Variants in ABCC9 observed in about 807,000 individuals in gnomAD.
ABCC9 encodes the protein ATP binding cassette subfamily C member 9.
Under a neutral mutation model 188.3 loss-of-function variants are expected in ABCC9, and 95 were observed. That is an observed-to-expected ratio of 0.50 (90% CI 0.43 to 0.60). ABCC9 has a LOEUF of 0.60. Ranked by LOEUF, ABCC9 falls within the 20% of genes least tolerant of loss-of-function variation. The probability of loss-of-function intolerance (pLI) is 0.00; values close to 1 mark genes in which losing one functional copy is unlikely to be tolerated. For synonymous variants in ABCC9, 659 were observed against 652.7 expected (o/e 1.01, Z -0.15); for missense variants, 1,102 against 1,876.3 (o/e 0.59, Z 7.62).
Position 21,908,188 on chromosome 12 carries a change from G to A in ABCC9, c.1344C>T (p.Leu448=). The A allele has an allele frequency of 6.2e-7, 1 of 1,612,564 alleles. No individual in the cohort carries two copies. The highest frequency in any genetic ancestry group is 2.2e-5 in the East Asian group (1 of 44,820). Residue 448 remains leucine, a synonymous_variant, in exon 11 of 40, where the codon CTC becomes CTT. Transcript: ENST00000261200. ...ATGCACTTGATCCAAGTAAATTATAGAGCAGAATCACGCCCATTATGATCT... is the reference window on the plus strand; with the variant it reads ...ATGCACTTGATCCAAGTAAATTATAAAGCAGAATCACGCCCATTATGATCT... ...PVQIIMGVIL[L]YNLLGSSALV...
rs114904002 is a variant in ABCC9 at position 21,834,670 on chromosome 12, C to T, written c.3566+3408G>A. On this transcript the variant is annotated intron_variant, in intron 30 of 39. Transcript: ENST00000261200. ...CCATTTGGTACTTGTGGTCAGGAAT[C>T]GAATGTGTCTTTTTCCATCCATCTG... 4.3e-3 allele frequency among the ~76,000 whole-genome samples: 658 copies of T among 151,806 alleles called. 5 individuals carry two copies. The highest frequency in any genetic ancestry group is 0.015 in the African/African-American group (634 of 41,368).
intron 16 of ABCC9, among the ~76,000 whole-genome samples, chr12:21,876,383 GAAAT>G (rs1946349665): frequency 6.6e-6 from 1 of 152,024 alleles, no homozygotes; most frequent in Non-Finnish European, 1.5e-5. Context: ...ATAAAGCAGA[GAAAT>G]AACCACAAAT....
Position 21,915,878 on chromosome 12 carries a change from T to C in ABCC9, c.606A>G (p.Val202=). ...GATCCTGGAGGTCTTCAGGAGGCTT[T>C]ACTTTCTGAGGATTCATGAAAAATA... ...RYVFFMNPQK[V]KPPEDLQDLG... Residue 202 remains valine, a synonymous_variant, in exon 7 of 40, where the codon GTA becomes GTG. Coordinates refer to ENST00000261200, the MANE Select transcript of ABCC9 (RefSeq NM_020297.4). 1 of 1,613,126 alleles carries C rather than the reference T, an allele frequency of 6.2e-7. No individual in the cohort carries two copies. Among genetic ancestry groups the C allele is most frequent in the Non-Finnish European group, 8.5e-7 (1 of 1,179,376 alleles).
intron 24 of ABCC9, among the ~76,000 whole-genome samples, chr12:21,850,382 T>C (rs1179265924): frequency 6.6e-6 from 1 of 152,022 alleles, no homozygotes; most frequent in Non-Finnish European, 1.5e-5. Context: ...TGCCTGCCTT[T>C]TGTTACATGG....
At chr12:21,840,374 G>A (rs1944319459) in intron 29 of ABCC9, among the ~76,000 whole-genome samples, 2 of 152,236 alleles carry the variant, frequency 1.3e-5, no homozygotes, top group South Asian at 2.1e-4. Context: ...AATAAGAATA[G>A]CGTACAATCC....
At chr12:21,827,873 G>C (rs1943480069) in intron 31 of ABCC9, among the ~76,000 whole-genome samples, 1 of 152,192 alleles carries the variant, frequency 6.6e-6, no homozygotes, top group Non-Finnish European at 1.5e-5. Flanking sequence ...AAACCAGTGA[G>C]AAATCATGAT....
At chr12:21,849,423 C>T (rs374227772) in intron 24 of ABCC9, among the ~76,000 whole-genome samples, 16 of 152,080 alleles carry the variant, frequency 1.1e-4, no homozygotes, top group East Asian at 7.7e-4. Context: ...TTTTGCATAA[C>T]GATATGAAGA....
At chr12:21,847,480 G>T (rs553255807) in intron 25 of ABCC9, among the ~76,000 whole-genome samples, 1 of 152,128 alleles carries the variant, frequency 6.6e-6, no homozygotes, top group African/African-American at 2.4e-5. Flanking sequence ...TTGGTTGGTA[G>T]AAATGCAGGC....
intron 30 of ABCC9, among the ~76,000 whole-genome samples, chr12:21,835,147 G>T (rs1429536782): frequency 6.6e-6 from 1 of 152,112 alleles, no homozygotes; most frequent in Non-Finnish European, 1.5e-5. Flanking sequence ...CAAACAGTCT[G>T]TCCAAATTAG....
chr12:21,890,113 T>G (rs918592805), intron 14 of ABCC9, among the ~76,000 whole-genome samples: 1 of 152,136 alleles, frequency 6.6e-6, no homozygotes, highest in Non-Finnish European at 1.5e-5. Context: ...GAAAAGCATT[T>G]TCTATTCATA....
chr12:21,873,049 T>C (rs975522217), intron 17 of ABCC9, among the ~76,000 whole-genome samples: 1 of 151,966 alleles, frequency 6.6e-6, no homozygotes, highest in African/African-American at 2.4e-5. Context: ...AGGGCAGTTT[T>C]GATGAAAATA....
At position 21,797,464 on chromosome 12, in the gene ABCC9, C is replaced by T. The variant is rs1357051270; in HGVS notation, c.*3580G>A. Reference sequence around the variant, plus strand: ...TTTTATATATTGTAGAGAATAAACACATTTATTGTAGAGAACAAATACATT... The same window carrying T: ...TTTTATATATTGTAGAGAATAAACATATTTATTGTAGAGAACAAATACATT... On this transcript the variant is annotated 3_prime_UTR_variant, in exon 40 of 40. Coordinates refer to ENST00000261200, the MANE Select transcript of ABCC9 (RefSeq NM_020297.4). 1 of 152,120 alleles carries T rather than the reference C, an allele frequency of 6.6e-6. No homozygotes were observed. Among genetic ancestry groups the T allele is most frequent in the Non-Finnish European group, 1.5e-5 (1 of 68,012 alleles). 9.4% of individuals were successfully genotyped at this position (152,120 alleles called of 1,614,324 possible).
At chr12:21,873,232 A>C (rs1946171448) in intron 17 of ABCC9, among the ~76,000 whole-genome samples, 1 of 152,018 alleles carries the variant, frequency 6.6e-6, no homozygotes, top group Non-Finnish European at 1.5e-5. Context: ...TCAATTATAG[A>C]GACATTTTAA....
chr12:21,887,122 A>G (rs1341127131), intron 15 of ABCC9, among the ~76,000 whole-genome samples: 1 of 152,206 alleles, frequency 6.6e-6, no homozygotes. Context: ...GGCACAAAGC[A>G]CAGGGCAGCC....
At position 21,905,251 on chromosome 12, in the gene ABCC9, C is replaced by A. The variant is rs140478225; in HGVS notation, c.1618+875G>T. On this transcript the variant is annotated intron_variant, in intron 12 of 39. Coordinates refer to ENST00000261200, the MANE Select transcript of ABCC9 (RefSeq NM_020297.4). ...ACACTTGGACCCCTCACATCACACACCGGGGCCTGTCGTGGGGTGTGGGGA... is the reference window on the plus strand; with the variant it reads ...ACACTTGGACCCCTCACATCACACAACGGGGCCTGTCGTGGGGTGTGGGGA... Among the ~76,000 whole-genome samples, 12 of 152,058 alleles carry A rather than the reference C, an allele frequency of 7.9e-5. No individual in the cohort carries two copies. In the East Asian group the frequency reaches 2.1e-3, roughly 27 times the overall value.
At chr12:21,899,860 C>T (rs1041884339) in intron 12 of ABCC9, among the ~76,000 whole-genome samples, 1 of 152,216 alleles carries the variant, frequency 6.6e-6, no homozygotes, top group African/African-American at 2.4e-5. Context: ...GGCCTGCCTG[C>T]CTCTGTAGAC....
chr12:21,938,934 TTAAC>T (rs1949596052), intron 2 of ABCC9, among the ~76,000 whole-genome samples: 1 of 152,174 alleles, frequency 6.6e-6, no homozygotes, highest in Non-Finnish European at 1.5e-5. Context: ...TTCTATGCCA[TTAAC>T]TAATGAACTG....
chr12:21,864,520 A>G (rs1220434602), intron 18 of ABCC9, 43 bp from the exon 19 acceptor site: 3 of 1,394,076 alleles, frequency 2.2e-6, no homozygotes, highest in Admixed American at 1.7e-5. Flanking sequence ...TGAAGTAGAA[A>G]TATAGAACCA....
Position 21,848,199 on chromosome 12 carries a change from C to T in ABCC9, c.2817G>A (p.Arg939=). 1 of 1,613,560 alleles carries T rather than the reference C, an allele frequency of 6.2e-7. No individual in the cohort carries two copies. Among genetic ancestry groups the T allele is most frequent in the South Asian group, 1.1e-5 (1 of 91,068 alleles). The part of the protein sequence containing the change: ...QTTLERKTLR[R]AMYSREAKAQ... ...CTTTGGCTTCTCTTGAATACATGGC[C>T]CGTCGGAGAGTTTTCCTCTCTAAAG... The change falls in exon 25 of 40, where the codon CGG becomes CGA. Residue 939 remains arginine, a synonymous_variant. Transcript: ENST00000261200.
Sources: allele counts gnomAD v4.1 joint callset (sites outside exome capture counted in the v4.1 genomes callset), GRCh38; gene constraint gnomAD v4.1.1; transcripts MANE v1.5; gene names NCBI Gene and HGNC (gene_info 2026-07-23, HGNC 2026-07-21).